KAZN: variants seen among roughly 807,000 people sequenced by gnomAD.
KAZN encodes kazrin.
KAZN carries 40 observed loss-of-function variants against 87.4 expected under a neutral mutation model. The observed-to-expected ratio is 0.46, with a 90% CI of 0.36 to 0.60. The LOEUF is 0.60. KAZN is among the 20% of genes least tolerant of loss of function. The probability of loss-of-function intolerance (pLI) is 0.00; values close to 1 mark genes in which losing one functional copy is unlikely to be tolerated. For missense variants in KAZN, 898 were observed against 1,073.9 expected (o/e 0.84, Z 2.29); for synonymous variants, 466 against 458.3 (o/e 1.02, Z -0.22).
chr1:14,661,680 G>C (rs1368707682), intron 1 of KAZN, among the ~76,000 whole-genome samples: 1 of 138,022 alleles, frequency 7.2e-6, no homozygotes, highest in Non-Finnish European at 1.6e-5. Flanking sequence ...CGGGAGGGAG[G>C]GGAGGGAGGG....
chr1:14,166,683 T>G (rs1459129500), intron 1 of KAZN, among the ~76,000 whole-genome samples: 3 of 152,206 alleles, frequency 2.0e-5, no homozygotes, highest in Non-Finnish European at 2.9e-5. Context: ...TTTTAACAAA[T>G]TTTGACTTTT....
At chr1:14,540,580 G>A (rs1230574306) in intron 2 of KAZN, among the ~76,000 whole-genome samples, 4 of 152,140 alleles carry the variant, frequency 2.6e-5, no homozygotes, top group African/African-American at 7.2e-5. Context: ...TTTCAAAAGA[G>A]GCCAGGACTC....
chr1:14,551,146 C>G (rs535385374), intron 2 of KAZN, among the ~76,000 whole-genome samples: 1 of 152,274 alleles, frequency 6.6e-6, no homozygotes, highest in Non-Finnish European at 1.5e-5. Context: ...AACCCCTCAG[C>G]CCTACTGGCC....
At chr1:15,015,462 T>C (rs1257552551) in intron 2 of KAZN, among the ~76,000 whole-genome samples, 1 of 152,184 alleles carries the variant, frequency 6.6e-6, no homozygotes, top group Non-Finnish European at 1.5e-5. Context: ...TAAAAACTGA[T>C]GTTTTTAAAC....
intron 4 of KAZN, among the ~76,000 whole-genome samples, chr1:15,049,405 G>A (rs1001225155): frequency 1.3e-5 from 2 of 152,202 alleles, no homozygotes; most frequent in African/African-American, 2.4e-5. Context: ...CAGTGGTGGG[G>A]CTGCCCTGTG....
chr1:14,060,018 C>T (rs1196945463), intron 1 of KAZN, among the ~76,000 whole-genome samples: 1 of 152,164 alleles, frequency 6.6e-6, no homozygotes, highest in Admixed American at 6.5e-5. Context: ...AGCTTCCTGC[C>T]TTCTCACCAC....
chr1:14,646,797 C>T (rs1255158857), intron 1 of KAZN, among the ~76,000 whole-genome samples: 1 of 152,174 alleles, frequency 6.6e-6, no homozygotes, highest in Non-Finnish European at 1.5e-5. Flanking sequence ...TAAATAATTT[C>T]CCATTAGTTG....
intron 1 of KAZN, among the ~76,000 whole-genome samples, chr1:14,164,512 A>G (rs1016344592): frequency 2.2e-5 from 3 of 133,988 alleles, no homozygotes; most frequent in Non-Finnish European, 4.8e-5. Context: ...GTGATACTCC[A>G]TTTCTGCAAT....
chr1:14,969,746 C>T (rs1339039958), intron 2 of KAZN, among the ~76,000 whole-genome samples: 4 of 152,350 alleles, frequency 2.6e-5, no homozygotes, highest in African/African-American at 9.6e-5. Context: ...ACCCTGGCTG[C>T]TTCAGAGGGC....
At chr1:14,032,718 G>A (rs1641380148) in intron 1 of KAZN, among the ~76,000 whole-genome samples, 1 of 152,152 alleles carries the variant, frequency 6.6e-6, no homozygotes, top group African/African-American at 2.4e-5. Context: ...CTTCAAGGGT[G>A]TATTCTACCT....
At chr1:14,101,225 A>AT in intron 1 of KAZN, among the ~76,000 whole-genome samples, 1 of 152,158 alleles carries the variant, frequency 6.6e-6, no homozygotes, top group Non-Finnish European at 1.5e-5. Flanking sequence ...GGCCTGCCAT[A>AT]TTAACTCTTT....
intron 1 of KAZN, among the ~76,000 whole-genome samples, chr1:14,776,557 C>T (rs1645180022): frequency 6.6e-6 from 1 of 152,168 alleles, no homozygotes. Context: ...AGATGTCTAA[C>T]CGCAGCCATT....
intron 2 of KAZN, among the ~76,000 whole-genome samples, chr1:14,190,985 A>C (rs1646409462): frequency 6.6e-6 from 1 of 152,196 alleles, no homozygotes; most frequent in African/African-American, 2.4e-5. Context: ...GGGGAGCTGG[A>C]AAGTGGTCTA....
At chr1:14,510,149 T>A (rs10927451) in intron 2 of KAZN, among the ~76,000 whole-genome samples, 113,826 of 152,006 alleles carry the variant, frequency 0.75, 43,123 homozygotes, top group South Asian at 0.84. Context: ...GAGGCCGAGG[T>A]GGGTGGATCA....
At chr1:14,824,901 C>T (rs761465261) in intron 1 of KAZN, among the ~76,000 whole-genome samples, 1 of 152,252 alleles carries the variant, frequency 6.6e-6, no homozygotes, top group Non-Finnish European at 1.5e-5. Flanking sequence ...CTTCTAGGCT[C>T]TACATTTAGT....
At chr1:14,787,996 A>C (rs1645560167) in intron 1 of KAZN, among the ~76,000 whole-genome samples, 1 of 152,212 alleles carries the variant, frequency 6.6e-6, no homozygotes, top group Non-Finnish European at 1.5e-5. Flanking sequence ...GCCGCTGCAC[A>C]GGAATGGCTC....
At chr1:14,223,029 G>C (rs1647142208) in intron 2 of KAZN, 1 of 152,068 alleles carries the variant, frequency 6.6e-6, no homozygotes, top group African/African-American at 2.4e-5. Flanking sequence ...AACTCTAAAG[G>C]TACTCTAGGG....
At chr1:14,492,168 C>T (rs1447900988) in intron 2 of KAZN, among the ~76,000 whole-genome samples, 1 of 152,110 alleles carries the variant, frequency 6.6e-6, no homozygotes, top group African/African-American at 2.4e-5. Context: ...GCCAGGCTGT[C>T]CAGAGGTGAC....
chr1:15,114,701 A>C lies in KAZN; in HGVS notation c.*66A>C. ...GAAGGAAGAGAAGCCAGATGGCCCC[A>C]GGTGTCGTTCTCACTGTACATAGCG... is the stretch of plus-strand genomic sequence containing the variant. On this transcript the variant is annotated 3_prime_UTR_variant, in exon 15 of 15. Coordinates refer to ENST00000376030, the MANE Select transcript of KAZN (RefSeq NM_201628.3). The C allele has an allele frequency of 2.0e-6, 3 of 1,496,974 alleles. No homozygotes were observed. The highest frequency in any genetic ancestry group is 2.7e-6 in the Non-Finnish European group (3 of 1,107,994). The allele number at this position is 1,496,974 out of a possible 1,614,324, so 92.7% of individuals were successfully genotyped here. A position where few individuals can be genotyped will look rare whatever the true frequency, so the allele number is the denominator to read the frequency against.
Sources: allele counts gnomAD v4.1 joint callset (sites outside exome capture counted in the v4.1 genomes callset), GRCh38; gene constraint gnomAD v4.1.1; transcripts MANE v1.5; gene names NCBI Gene and HGNC (gene_info 2026-07-23, HGNC 2026-07-21).